EPHB1: variants seen among roughly 807,000 people sequenced by gnomAD.
EPHB1 encodes EPH receptor B1.
Under a neutral mutation model 94.4 loss-of-function variants are expected in EPHB1, and 30 were observed. The ratio of observed to expected loss-of-function variants is 0.32; its 90% CI spans 0.24 to 0.43. EPHB1 has a LOEUF of 0.43. Among genes scored for constraint, EPHB1 ranks in the 20% least tolerant of loss-of-function variants. EPHB1 has a pLI of 1.00. For synonymous variants in EPHB1, 522 were observed against 489.1 expected, an observed-to-expected ratio of 1.07 and a Z score of -0.89; for missense variants, 1,055 against 1,308.3, an observed-to-expected ratio of 0.81 and a Z score of 2.99.
intron 1 of EPHB1, among the ~76,000 whole-genome samples, chr3:134,896,986 T>C (rs1446476000): frequency 2.6e-5 from 4 of 152,186 alleles, no homozygotes; most frequent in African/African-American, 9.7e-5. Context: ...GGGGGCTGTA[T>C]GGAGTGTGGG....
intron 1 of EPHB1, among the ~76,000 whole-genome samples, chr3:134,836,619 C>G (rs2036678276): frequency 1.3e-5 from 2 of 152,148 alleles, no homozygotes. Flanking sequence ...ATCACATATT[C>G]ATATATTATG....
intron 1 of EPHB1, among the ~76,000 whole-genome samples, chr3:134,807,375 A>T (rs1311380952): frequency 6.6e-6 from 1 of 152,174 alleles, no homozygotes; most frequent in African/African-American, 2.4e-5. Flanking sequence ...CACGCAGACT[A>T]CAGGCTGTAA....
chr3:135,111,984 C>T (rs1194714493), intron 4 of EPHB1, among the ~76,000 whole-genome samples: 1 of 152,238 alleles, frequency 6.6e-6, no homozygotes, highest in Non-Finnish European at 1.5e-5. Context: ...AGCCCATTTT[C>T]ACTCTTGAGT....
At chr3:134,851,254 G>T (rs2036977911) in intron 1 of EPHB1, among the ~76,000 whole-genome samples, 1 of 152,216 alleles carries the variant, frequency 6.6e-6, no homozygotes, top group Non-Finnish European at 1.5e-5. Context: ...TCAGGGACAG[G>T]TTTCCAAAAG....
intron 1 of EPHB1, among the ~76,000 whole-genome samples, chr3:134,859,215 C>G (rs1179936484): frequency 1.3e-5 from 2 of 152,194 alleles, no homozygotes; most frequent in African/African-American, 2.4e-5. Flanking sequence ...GATATTTTCT[C>G]TGCTCCTTGT....
intron 3 of EPHB1, among the ~76,000 whole-genome samples, chr3:134,956,502 G>A (rs972123366): frequency 7.9e-5 from 12 of 152,236 alleles, no homozygotes; most frequent in South Asian, 4.1e-4. Context: ...CAGAGGGCAC[G>A]TGCCAACTTA....
intron 5 of EPHB1, among the ~76,000 whole-genome samples, chr3:135,142,223 A>G (rs1473374559): frequency 1.3e-5 from 2 of 152,198 alleles, no homozygotes; most frequent in South Asian, 2.1e-4. Context: ...TGGCAGTGCT[A>G]TTGAAGAGAA....
At chr3:135,022,164 G>T (rs957354178) in intron 3 of EPHB1, among the ~76,000 whole-genome samples, 2 of 152,050 alleles carry the variant, frequency 1.3e-5, no homozygotes, top group African/African-American at 4.8e-5. Flanking sequence ...TATTGACGAG[G>T]TTTCACCATG....
intron 3 of EPHB1, among the ~76,000 whole-genome samples, chr3:135,044,805 G>T (rs1323774355): frequency 1.3e-5 from 2 of 152,174 alleles, no homozygotes; most frequent in Non-Finnish European, 2.9e-5. Context: ...GCTAAAATAA[G>T]CTGCCTACTC....
intron 1 of EPHB1, among the ~76,000 whole-genome samples, chr3:134,829,147 G>A (rs562071110): frequency 1.3e-5 from 2 of 152,294 alleles, no homozygotes; most frequent in African/African-American, 2.4e-5. Flanking sequence ...ACAAGTTAAG[G>A]AATAAAATTC....
intron 6 of EPHB1, among the ~76,000 whole-genome samples, chr3:135,158,001 T>G (rs944081508): frequency 1.3e-5 from 2 of 152,204 alleles, no homozygotes; most frequent in African/African-American, 4.8e-5. Flanking sequence ...TTTATGATAC[T>G]TCGGTGGTGG....
intron 9 of EPHB1, among the ~76,000 whole-genome samples, chr3:135,172,980 C>T (rs751329934): frequency 2.0e-5 from 3 of 152,050 alleles, no homozygotes; most frequent in Non-Finnish European, 4.4e-5. Context: ...AGCCTGTCCC[C>T]GTCATTGATA....
intron 3 of EPHB1, among the ~76,000 whole-genome samples, chr3:135,055,325 G>A (rs564258750): frequency 7.2e-4 from 110 of 152,250 alleles, no homozygotes; most frequent in African/African-American, 2.6e-3. Context: ...AAAGACACTC[G>A]ATCATAACAC....
chr3:135,195,293 A>C (rs142834598), intron 11 of EPHB1, among the ~76,000 whole-genome samples: 1,963 of 150,998 alleles, frequency 0.013, 40 homozygotes, highest in African/African-American at 0.046. Context: ...GAAAATCAAA[A>C]CCCCACACTG....
At chr3:134,901,158 ATAT>A (rs1320901311) in intron 1 of EPHB1, among the ~76,000 whole-genome samples, 2 of 152,194 alleles carry the variant, frequency 1.3e-5, no homozygotes, top group African/African-American at 4.8e-5. Context: ...CATAACCACA[ATAT>A]TATTATCACA....
Position 135,077,069 on chromosome 3 carries a change from A to G in EPHB1, c.806-29379A>G, listed in dbSNP as rs559912581. ...ACTCAAATTCATTGAATAATTTACA[A>G]TGAATTTTATGATATGTTAATTATA... On this transcript the variant is annotated intron_variant, in intron 3 of 15. Coordinates refer to ENST00000398015, the MANE Select transcript of EPHB1 (RefSeq NM_004441.5). Among the ~76,000 whole-genome samples, 406 of 152,356 alleles carry G rather than the reference A, an allele frequency of 2.7e-3. 1 individual carries two copies. The highest frequency in any genetic ancestry group is 4.6e-3 in the Non-Finnish European group (316 of 68,040).
chr3:134,818,628 C>T (rs925205498), intron 1 of EPHB1, among the ~76,000 whole-genome samples: 5 of 152,190 alleles, frequency 3.3e-5, no homozygotes. Context: ...AGTTTCCATT[C>T]CTGAGTTACT....
chr3:135,249,822 G>GTACTT (rs1468794062), intron 15 of EPHB1, among the ~76,000 whole-genome samples: 1 of 149,898 alleles, frequency 6.7e-6, no homozygotes, highest in African/African-American at 2.5e-5. Context: ...CAGCCATCTA[G>GTACTT]TACTTTAAAT....
intron 2 of EPHB1, among the ~76,000 whole-genome samples, chr3:134,935,193 CTGAACT>C (rs1428240682): frequency 3.3e-5 from 5 of 152,156 alleles, no homozygotes; most frequent in African/African-American, 1.2e-4. Context: ...CCCTGACAGC[CTGAACT>C]CACAGCACTC....
Sources: gnomAD v4.1 joint callset for allele counts (sites outside exome capture counted in the v4.1 genomes callset) on GRCh38, gnomAD v4.1.1 for gene constraint, MANE v1.5 for transcripts, NCBI Gene and HGNC (gene_info 2026-07-23, HGNC 2026-07-21) for gene names.